Variants in MDGA2 observed in about 807,000 individuals in gnomAD.
MDGA2 encodes the protein MAM domain containing glycosylphosphatidylinositol anchor 2, also known as MAM domain-containing glycosylphosphatidylinositol anchor protein 2.
MDGA2 carries 40 observed loss-of-function variants against 117.8 expected under a neutral mutation model. The ratio of observed to expected loss-of-function variants is 0.34; its 90% CI spans 0.26 to 0.44. MDGA2 has a LOEUF of 0.44. MDGA2 is among the 20% of genes least tolerant of loss of function. The pLI is 1.00. For synonymous variants in MDGA2, 452 were observed against 439.0 expected, an observed-to-expected ratio of 1.03 and a Z score of -0.37; for missense variants, 1,123 against 1,250.6, an observed-to-expected ratio of 0.90 and a Z score of 1.54.
chr14:47,554,621 A>G (rs1895649670), intron 1 of MDGA2, among the ~76,000 whole-genome samples: 1 of 152,200 alleles, frequency 6.6e-6, no homozygotes, highest in Non-Finnish European at 1.5e-5. Context: ...TGTTTGAATA[A>G]TGAGTTGATC....
intron 6 of MDGA2, among the ~76,000 whole-genome samples, chr14:47,066,976 G>T (rs572904309): frequency 6.6e-6 from 1 of 151,988 alleles, no homozygotes; most frequent in South Asian, 2.1e-4. Context: ...TTAGCTAGGC[G>T]TGGTGGCAGG....
chr14:47,098,356 G>A (rs1477610453), intron 5 of MDGA2, among the ~76,000 whole-genome samples: 1 of 150,502 alleles, frequency 6.6e-6, no homozygotes, highest in African/African-American at 2.4e-5. Context: ...ACCTTTTTAA[G>A]CATCAATGTT....
In MDGA2 at chr14:46,841,420, G is replaced by T. The variant is rs1880604671; in HGVS notation, c.*511C>A. ...GGAAGGGTAACAGCCAAAGGTAAAA[G>T]GGCCTACATTTATTTAATTCTCTAC... On this transcript the variant is annotated 3_prime_UTR_variant, in exon 17 of 17. Transcript: ENST00000399232. The T allele has an allele frequency of 6.6e-6, 1 of 152,506 alleles. No individual in the cohort carries two copies. The highest frequency in any genetic ancestry group is 2.4e-5 in the African/African-American group (1 of 41,400). The allele number at this position is 152,506 out of a possible 1,614,324, so 9.4% of individuals were successfully genotyped here.
chr14:47,637,894 C>G (rs1897352529), intron 1 of MDGA2, among the ~76,000 whole-genome samples: 1 of 152,152 alleles, frequency 6.6e-6, no homozygotes, highest in African/African-American at 2.4e-5. Context: ...CTAAAACACA[C>G]TAAGATTAAA....
intron 1 of MDGA2, among the ~76,000 whole-genome samples, chr14:47,452,870 G>A (rs953870177): frequency 6.6e-6 from 1 of 151,960 alleles, no homozygotes; most frequent in Non-Finnish European, 1.5e-5. Context: ...AAATTACATT[G>A]TTCTAGTGGA....
intron 1 of MDGA2, among the ~76,000 whole-genome samples, chr14:47,597,601 T>G (rs1011885303): frequency 6.6e-6 from 1 of 152,128 alleles, no homozygotes; most frequent in Non-Finnish European, 1.5e-5. Context: ...TTCTTTTATA[T>G]TCATTGCTTA....
At chr14:47,634,433 T>C (rs1204003266) in intron 1 of MDGA2, among the ~76,000 whole-genome samples, 2 of 152,104 alleles carry the variant, frequency 1.3e-5, no homozygotes, top group Non-Finnish European at 2.9e-5. Flanking sequence ...GCTCACTTAA[T>C]AAATTCTGTG....
intron 1 of MDGA2, among the ~76,000 whole-genome samples, chr14:47,453,525 G>A (rs1229359479): frequency 1.3e-5 from 2 of 152,014 alleles, no homozygotes; most frequent in African/African-American, 4.8e-5. Flanking sequence ...AGTAAATCTT[G>A]AACTGTCTAG....
rs566796036 is a variant in MDGA2, at chr14:47,215,107, T to G, written c.595+2914A>C. On this transcript the variant is annotated intron_variant, in intron 3 of 16. Coordinates refer to ENST00000399232, the MANE Select transcript of MDGA2 (RefSeq NM_001113498.3). The stretch of plus-strand genomic sequence containing the variant: ...TACTGATATTGATGAAAGTTCCACA[T>G]GTGAAATCAGTTTAGAAAAAGAAAC... Among the ~76,000 whole-genome samples the G allele has an allele frequency of 2.0e-5, 3 of 152,114 alleles. No homozygotes were observed. In the South Asian group the frequency reaches 6.2e-4, roughly 31 times the overall value.
chr14:47,579,806 G>A (rs530837422), intron 1 of MDGA2, among the ~76,000 whole-genome samples: 2 of 152,116 alleles, frequency 1.3e-5, no homozygotes, highest in East Asian at 1.9e-4. Flanking sequence ...TAGACTCAAC[G>A]CTATACAGAG....
At chr14:47,393,641 A>G (rs1193821850) in intron 1 of MDGA2, among the ~76,000 whole-genome samples, 1 of 152,078 alleles carries the variant, frequency 6.6e-6, no homozygotes, top group Admixed American at 6.6e-5. Flanking sequence ...TTCATATTCT[A>G]TTCATTTAGA....
intron 2 of MDGA2, among the ~76,000 whole-genome samples, chr14:47,289,610 T>C (rs984115870): frequency 6.6e-6 from 1 of 152,060 alleles, no homozygotes; most frequent in African/African-American, 2.4e-5. Flanking sequence ...AATTTCCACA[T>C]TAAAAAAATT....
At chr14:47,427,217 G>A (rs181169559) in intron 1 of MDGA2, among the ~76,000 whole-genome samples, 5 of 152,102 alleles carry the variant, frequency 3.3e-5, no homozygotes, top group East Asian at 3.9e-4. Context: ...TTAATGTGTC[G>A]TCTGAGGCAA....
intron 3 of MDGA2, among the ~76,000 whole-genome samples, chr14:47,207,644 G>A (rs1885734972): frequency 6.6e-6 from 1 of 151,850 alleles, no homozygotes; most frequent in Non-Finnish European, 1.5e-5. Flanking sequence ...CAGCGCTTAG[G>A]GAGGGACACC....
chr14:47,597,000 C>T (rs1896555779), intron 1 of MDGA2, among the ~76,000 whole-genome samples: 1 of 152,096 alleles, frequency 6.6e-6, no homozygotes, highest in Non-Finnish European at 1.5e-5. Context: ...AGGATTCATG[C>T]TAAGGTGTTA....
chr14:47,569,852 A>G (rs61321577), intron 1 of MDGA2, among the ~76,000 whole-genome samples: 5,116 of 152,288 alleles, frequency 0.034, 290 homozygotes, highest in African/African-American at 0.11. Flanking sequence ...TTTTAATTTC[A>G]AAAAGGTCAC....
rs1566538216 is a variant in MDGA2 at position 47,606,607 on chromosome 14, A to AC, written c.280+67909_280+67910insG. On this transcript the variant is annotated intron_variant, in intron 1 of 16. Transcript: ENST00000399232. ...AAACTTACATCTGAGGCTAAATACT[A>AC]AAGGTACTGTTTGCCTTGTGTCAGC... Among the ~76,000 whole-genome samples, 8 of 152,258 alleles carry AC rather than the reference A, an allele frequency of 5.3e-5. No homozygotes were observed. The East Asian group carries it at 1.5e-3, about 29-fold the overall frequency.
intron 7 of MDGA2, among the ~76,000 whole-genome samples, chr14:47,049,618 A>G (rs1009536901): frequency 1.3e-5 from 2 of 151,848 alleles, no homozygotes; most frequent in Non-Finnish European, 2.9e-5. Context: ...CATGATGCTG[A>G]TCTCTGGGGT....
chr14:47,574,018 T>A (rs1395949954), intron 1 of MDGA2, among the ~76,000 whole-genome samples: 2 of 152,186 alleles, frequency 1.3e-5, no homozygotes, highest in Non-Finnish European at 2.9e-5. Context: ...TTTCTCTTTG[T>A]TATGCTGATA....
Sources: allele counts gnomAD v4.1 joint callset (sites outside exome capture counted in the v4.1 genomes callset), GRCh38; gene constraint gnomAD v4.1.1; transcripts MANE v1.5; gene names NCBI Gene and HGNC (gene_info 2026-07-23, HGNC 2026-07-21).